PRKG1: variants seen among roughly 807,000 people sequenced by gnomAD.
PRKG1 encodes protein kinase cGMP-dependent 1.
PRKG1 carries 35 observed loss-of-function variants against 88.1 expected under a neutral mutation model. That is an observed-to-expected ratio of 0.40 (90% CI 0.30 to 0.53). PRKG1 has a LOEUF of 0.53. Ranked by LOEUF, PRKG1 falls within the 20% of genes least tolerant of loss-of-function variation. The probability of loss-of-function intolerance (pLI) is 0.59; values close to 1 mark genes in which losing one functional copy is unlikely to be tolerated. For missense variants in PRKG1, 540 were observed against 839.8 expected (o/e 0.64, Z 4.41); for synonymous variants, 303 against 292.5 (o/e 1.04, Z -0.37).
chr10:51,290,286 T>C (rs1010858148), intron 2 of PRKG1, among the ~76,000 whole-genome samples: 1 of 152,052 alleles, frequency 6.6e-6, no homozygotes, highest in African/African-American at 2.4e-5. Flanking sequence ...TTATACAAAA[T>C]TTGTTTATAA....
At chr10:51,468,855 T>TAA (rs75305941) in intron 3 of PRKG1, among the ~76,000 whole-genome samples, 2 of 151,700 alleles carry the variant, frequency 1.3e-5, no homozygotes, top group South Asian at 2.1e-4. Context: ...AAATTGGATT[T>TAA]AAAAAAAACA....
intron 7 of PRKG1, among the ~76,000 whole-genome samples, chr10:52,130,204 T>G (rs1837217664): frequency 6.6e-6 from 1 of 152,212 alleles, no homozygotes; most frequent in African/African-American, 2.4e-5. Context: ...ATATGTCACT[T>G]TACTAGGTAC....
At chr10:51,634,076 G>C (rs965815264) in intron 3 of PRKG1, among the ~76,000 whole-genome samples, 3 of 152,082 alleles carry the variant, frequency 2.0e-5, no homozygotes, top group African/African-American at 7.2e-5. Flanking sequence ...ATATCACTTA[G>C]CTTGGAGAAG....
chr10:51,516,925 T>G (rs889870272), intron 3 of PRKG1, among the ~76,000 whole-genome samples: 1 of 152,048 alleles, frequency 6.6e-6, no homozygotes, highest in Non-Finnish European at 1.5e-5. Context: ...AAAAGAACCA[T>G]AGGAAGAACT....
chr10:51,865,820 G>C (rs756760836), intron 4 of PRKG1, among the ~76,000 whole-genome samples: 12 of 151,788 alleles, frequency 7.9e-5, no homozygotes, highest in Non-Finnish European at 1.5e-4. Context: ...CATTTCTTCT[G>C]TTCTTTCTGT....
At chr10:51,943,374 A>G (rs531685887) in intron 5 of PRKG1, among the ~76,000 whole-genome samples, 13,213 of 151,892 alleles carry the variant, frequency 0.087, 1,651 homozygotes, top group African/African-American at 0.27. Flanking sequence ...GGGGTTTTCT[A>G]GATATACAAT....
rs778652873 is a variant in PRKG1 at position 52,083,412 on chromosome 10, A to G, written c.935+20781A>G. ...AAAGATATTGTATAGTTGATTAAGG[A>G]AAACAAACAAATGTACAAAACAAAA... is the stretch of plus-strand genomic sequence containing the variant. On this transcript the variant is annotated intron_variant, in intron 7 of 17. Coordinates refer to ENST00000373980, the MANE Select transcript of PRKG1 (RefSeq NM_006258.4). 7.0e-4 allele frequency among the ~76,000 whole-genome samples: 107 copies of G among 152,080 alleles called. 1 individual carries two copies. Among genetic ancestry groups the G allele is most frequent in the Non-Finnish European group, 4.6e-4 (31 of 67,978 alleles).
intron 4 of PRKG1, among the ~76,000 whole-genome samples, chr10:51,809,509 G>T (rs1589307093): frequency 6.6e-6 from 1 of 152,118 alleles, no homozygotes; most frequent in Non-Finnish European, 1.5e-5. Flanking sequence ...ATTAAAACTG[G>T]TATCTATACC....
At chr10:51,851,300 T>C (rs541446651) in intron 4 of PRKG1, among the ~76,000 whole-genome samples, 5 of 152,330 alleles carry the variant, frequency 3.3e-5, no homozygotes, top group African/African-American at 1.2e-4. Flanking sequence ...GGGAGACATT[T>C]AGCAATGTCT....
chr10:51,464,684 G>A (rs1229804250), intron 2 of PRKG1, among the ~76,000 whole-genome samples: 1 of 151,750 alleles, frequency 6.6e-6, no homozygotes, highest in Non-Finnish European at 1.5e-5. Flanking sequence ...GAGGTCAGGA[G>A]ATCGAGACCA....
chr10:52,086,996 C>A (rs534862903), intron 7 of PRKG1, among the ~76,000 whole-genome samples: 1 of 152,256 alleles, frequency 6.6e-6, no homozygotes, highest in African/African-American at 2.4e-5. Context: ...CACTCACTGT[C>A]ATGAGGGTAA....
chr10:51,758,291 AT>A (rs771819031), intron 3 of PRKG1, among the ~76,000 whole-genome samples: 27 of 152,374 alleles, frequency 1.8e-4, no homozygotes, highest in Admixed American at 3.9e-4. Context: ...CTTTAAAAAA[AT>A]ATACATAAAA....
At chr10:51,400,769 G>A (rs1049577069) in intron 2 of PRKG1, among the ~76,000 whole-genome samples, 1 of 152,138 alleles carries the variant, frequency 6.6e-6, no homozygotes. Context: ...TATCTTTCCT[G>A]TCTTTTCAAC....
At chr10:51,544,233 G>A (rs1196691323) in intron 3 of PRKG1, among the ~76,000 whole-genome samples, 1 of 101,422 alleles carries the variant, frequency 9.9e-6, no homozygotes, top group African/African-American at 3.8e-5. Context: ...AGGCCCCAGT[G>A]TGTGATGTTC....
At chr10:51,746,203 A>G (rs1446998173) in intron 3 of PRKG1, among the ~76,000 whole-genome samples, 3 of 151,996 alleles carry the variant, frequency 2.0e-5, no homozygotes, top group African/African-American at 7.2e-5. Context: ...AGATTAATAC[A>G]CACTGTGTGC....
chr10:51,993,013 A>C (rs945111165), intron 5 of PRKG1, among the ~76,000 whole-genome samples: 1 of 152,178 alleles, frequency 6.6e-6, no homozygotes, highest in Non-Finnish European at 1.5e-5. Context: ...GGAAGGAGAG[A>C]ATCAAATTGA....
At chr10:51,282,876 T>TG (rs926859309) in intron 2 of PRKG1, among the ~76,000 whole-genome samples, 1 of 152,124 alleles carries the variant, frequency 6.6e-6, no homozygotes, top group African/African-American at 2.4e-5. Flanking sequence ...ATTTTAGATT[T>TG]GGGGGGTACA....
intron 9 of PRKG1, among the ~76,000 whole-genome samples, chr10:52,227,587 G>T (rs915415913): frequency 2.6e-5 from 4 of 152,080 alleles, no homozygotes; most frequent in African/African-American, 9.7e-5. Flanking sequence ...GGGACTTGAG[G>T]ATCTGTGGAT....
chr10:51,709,414 T>G (rs547610821), intron 3 of PRKG1, among the ~76,000 whole-genome samples: 7 of 152,356 alleles, frequency 4.6e-5, no homozygotes, highest in African/African-American at 1.4e-4. Flanking sequence ...TATGCTGAAA[T>G]AGCTGTGTAT....
Sources: allele counts gnomAD v4.1 joint callset (sites outside exome capture counted in the v4.1 genomes callset), GRCh38; gene constraint gnomAD v4.1.1; transcripts MANE v1.5; gene names NCBI Gene and HGNC (gene_info 2026-07-23, HGNC 2026-07-21).